The following LDLRAD3 variants were observed in gnomAD, a reference collection of about 807,000 sequenced individuals.
LDLRAD3 encodes the protein low-density lipoprotein receptor class A domain-containing protein 3.
LDLRAD3 carries 20 observed loss-of-function variants against 29.4 expected under a neutral mutation model. The ratio of observed to expected loss-of-function variants is 0.68; its 90% CI spans 0.48 to 0.99. The LOEUF (loss-of-function observed/expected upper bound fraction) is 0.99, where lower values mean the gene tolerates loss of function less well. Ranked by LOEUF, LDLRAD3 falls within the 50% of genes least tolerant of loss-of-function variation. The pLI, the probability that LDLRAD3 is intolerant of heterozygous loss-of-function variation, is 0.00. For synonymous variants in LDLRAD3, 157 were observed against 192.7 expected (o/e 0.81, Z 1.53); for missense variants, 420 against 454.3 (o/e 0.92, Z 0.69).
In LDLRAD3 at chr11:36,226,723, C is replaced by G. The variant is rs1855504177; in HGVS notation, c.455-362C>G. Among the ~76,000 whole-genome samples, 3 of 152,208 alleles carry G rather than the reference C, an allele frequency of 2.0e-5. No homozygotes were observed. The South Asian group carries it at 6.2e-4, about 31-fold the overall frequency. On this transcript the variant is annotated intron_variant, in intron 4 of 5. Transcript: ENST00000315571. ...TTTCCCACTCCAGGCAACCACTAAT[C>G]TACTTTCTGTCTCTGTAAAATTGCC...
intron 4 of LDLRAD3, among the ~76,000 whole-genome samples, chr11:36,117,101 C>A (rs1329729045): frequency 1.3e-5 from 2 of 152,070 alleles, no homozygotes; most frequent in Non-Finnish European, 2.9e-5. Context: ...AGTGATCTGC[C>A]CACCTTGGCC....
At position 36,230,212 on chromosome 11, in the gene LDLRAD3, C is replaced by T. The variant is rs2133396969; in HGVS notation, c.*815C>T. On this transcript the variant is annotated 3_prime_UTR_variant, in exon 6 of 6. Coordinates refer to ENST00000315571, the MANE Select transcript of LDLRAD3 (RefSeq NM_174902.4). ...CCTGCCCTGGCTCTACAGCCACTTA[C>T]CTGGTTTCTGGACTGTCACCCTCCC... 1 of 152,336 alleles carries T rather than the reference C, an allele frequency of 6.6e-6. No individual in the cohort carries two copies. Among genetic ancestry groups the T allele is most frequent in the South Asian group, 2.1e-4 (1 of 4,832 alleles). 9.4% of individuals were successfully genotyped at this position (152,336 alleles called of 1,614,324 possible).
chr11:36,009,839 C>T (rs1851932832), intron 1 of LDLRAD3, among the ~76,000 whole-genome samples: 1 of 151,860 alleles, frequency 6.6e-6, no homozygotes, highest in Admixed American at 6.5e-5. Flanking sequence ...TTTTATTTTT[C>T]TTACGAAGAA....
At chr11:36,191,576 C>CTCTCTCTATA (rs377747518) in intron 4 of LDLRAD3, among the ~76,000 whole-genome samples, 102 of 53,386 alleles carry the variant, frequency 1.9e-3, no homozygotes, top group South Asian at 2.5e-3. Flanking sequence ...CTCTCTCTCT[C>CTCTCTCTATA]TATATATATA....
chr11:36,001,945 G>A (rs1565154273), intron 1 of LDLRAD3, among the ~76,000 whole-genome samples: 1 of 151,894 alleles, frequency 6.6e-6, no homozygotes, highest in Admixed American at 6.6e-5. Context: ...ATTTTTTGTC[G>A]TTTATGTTGT....
intron 4 of LDLRAD3, among the ~76,000 whole-genome samples, chr11:36,108,523 C>T (rs962354737): frequency 3.9e-5 from 6 of 151,922 alleles, no homozygotes; most frequent in Non-Finnish European, 7.4e-5. Flanking sequence ...CAAGGACAGG[C>T]GCAGGACACT....
At chr11:36,076,341 G>T (rs962182267) in intron 2 of LDLRAD3, among the ~76,000 whole-genome samples, 1 of 151,558 alleles carries the variant, frequency 6.6e-6, no homozygotes, top group Non-Finnish European at 1.5e-5. Flanking sequence ...TGGAAATTTT[G>T]GTTCAGTTTC....
chr11:35,995,571 C>T (rs1851743599), intron 1 of LDLRAD3, among the ~76,000 whole-genome samples: 1 of 152,246 alleles, frequency 6.6e-6, no homozygotes, highest in Admixed American at 6.5e-5. Context: ...CTTAACAAGA[C>T]AGTTAGCCTG....
chr11:36,023,705 T>C (rs1852127437), intron 1 of LDLRAD3, among the ~76,000 whole-genome samples: 1 of 151,764 alleles, frequency 6.6e-6, no homozygotes, highest in South Asian at 2.1e-4. Flanking sequence ...AAAGAATGAG[T>C]GGGGGAATTT....
intron 2 of LDLRAD3, among the ~76,000 whole-genome samples, chr11:36,042,716 G>A (rs950506023): frequency 6.6e-6 from 1 of 152,172 alleles, no homozygotes. Context: ...AATCCAATAC[G>A]ACTGGAGTCC....
At chr11:36,195,414 A>T (rs773506646) in intron 4 of LDLRAD3, among the ~76,000 whole-genome samples, 1 of 152,306 alleles carries the variant, frequency 6.6e-6, no homozygotes, top group Non-Finnish European at 1.5e-5. Context: ...TGTTTATAAC[A>T]TTGTGCAGGG....
intron 1 of LDLRAD3, among the ~76,000 whole-genome samples, chr11:35,980,120 A>G (rs963119018): frequency 6.6e-6 from 1 of 152,240 alleles, no homozygotes; most frequent in Non-Finnish European, 1.5e-5. Flanking sequence ...TAATGAGTTC[A>G]TCAGTTTGCA....
At chr11:36,045,756 T>G (rs1852441215) in intron 2 of LDLRAD3, among the ~76,000 whole-genome samples, 1 of 151,958 alleles carries the variant, frequency 6.6e-6, no homozygotes, top group South Asian at 2.1e-4. Context: ...AAAATTTATT[T>G]CAGTAGTTTT....
chr11:36,107,550 A>G (rs183320345), intron 4 of LDLRAD3, among the ~76,000 whole-genome samples: 115 of 152,302 alleles, frequency 7.6e-4, no homozygotes, highest in African/African-American at 2.6e-3. Flanking sequence ...ATTGCAGTCA[A>G]CCTACATATA....
intron 1 of LDLRAD3, among the ~76,000 whole-genome samples, chr11:35,946,145 T>C (rs1388177644): frequency 3.3e-5 from 5 of 152,248 alleles, no homozygotes; most frequent in Non-Finnish European, 7.3e-5. Context: ...GTCAACTAGA[T>C]GCTCCTGGGC....
At chr11:36,149,761 A>G (rs180806541) in intron 4 of LDLRAD3, among the ~76,000 whole-genome samples, 41 of 152,314 alleles carry the variant, frequency 2.7e-4, no homozygotes, top group African/African-American at 9.9e-4. Flanking sequence ...ACACAGTGCC[A>G]GAGCTTCCAG....
chr11:36,141,641 C>CAGGGATGGGTGAAGA (rs1854088213), intron 4 of LDLRAD3, among the ~76,000 whole-genome samples: 1 of 152,102 alleles, frequency 6.6e-6, no homozygotes, highest in South Asian at 2.1e-4. Flanking sequence ...TAAAGGGAGA[C>CAGGGATGGGTGAAGA]AGGGATGGGT....
chr11:36,002,846 G>T (rs1407181959), intron 1 of LDLRAD3, among the ~76,000 whole-genome samples: 3 of 152,154 alleles, frequency 2.0e-5, no homozygotes, highest in African/African-American at 7.2e-5. Flanking sequence ...ATAATAAGGT[G>T]GCATTTATGC....
At chr11:36,045,179 A>G (rs866001294) in intron 2 of LDLRAD3, among the ~76,000 whole-genome samples, 2 of 152,218 alleles carry the variant, frequency 1.3e-5, no homozygotes, top group South Asian at 2.1e-4. Context: ...TGGGCATCTG[A>G]TAAGCACCCA....
Sources: allele counts gnomAD v4.1 joint callset (sites outside exome capture counted in the v4.1 genomes callset), GRCh38; gene constraint gnomAD v4.1.1; transcripts MANE v1.5; gene names NCBI Gene and HGNC (gene_info 2026-07-23, HGNC 2026-07-21).